The following PTPRD variants were observed in gnomAD, a reference collection of about 807,000 sequenced individuals.
PTPRD encodes receptor-type tyrosine-protein phosphatase delta.
In PTPRD, 34 loss-of-function variants were observed where a neutral mutation model predicts 214.5. That is an observed-to-expected ratio of 0.16 (90% CI 0.12 to 0.21). The LOEUF (loss-of-function observed/expected upper bound fraction) is 0.21. Among genes scored for constraint, PTPRD ranks in the 10% least tolerant of loss-of-function variants. The pLI, the probability that PTPRD is intolerant of heterozygous loss-of-function variation, is 1.00. For missense variants in PTPRD, 2,545 were observed against 2,398.7 expected, an observed-to-expected ratio of 1.06 and a Z score of -1.27; for synonymous variants, 1,128 against 845.7, an observed-to-expected ratio of 1.33 and a Z score of -5.79.
chr9:8,693,344 C>T (rs2097847831), intron 12 of PTPRD, among the ~76,000 whole-genome samples: 1 of 152,192 alleles, frequency 6.6e-6, no homozygotes, highest in Non-Finnish European at 1.5e-5. Flanking sequence ...CCTCTCATGA[C>T]AAACATATCC....
intron 9 of PTPRD, among the ~76,000 whole-genome samples, chr9:9,231,273 G>T (rs551018480): frequency 6.6e-6 from 1 of 152,186 alleles, no homozygotes; most frequent in South Asian, 2.1e-4. Flanking sequence ...TTTAATGACT[G>T]GGAATTAAAT....
At chr9:8,853,177 C>A (rs1411685960) in intron 11 of PTPRD, among the ~76,000 whole-genome samples, 2 of 152,154 alleles carry the variant, frequency 1.3e-5, no homozygotes, top group Non-Finnish European at 2.9e-5. Context: ...TTCATTAATT[C>A]TCCAGTCTAG....
intron 25 of PTPRD, 133 bp downstream of exon 25, chr9:8,499,514 A>T: frequency 2.5e-6 from 2 of 809,982 alleles, no homozygotes; most frequent in Non-Finnish European, 3.8e-6. Context: ...AATATACATC[A>T]ATGTGAAATG....
intron 11 of PTPRD, among the ~76,000 whole-genome samples, chr9:8,992,171 C>G (rs764200787): frequency 4.6e-5 from 7 of 151,986 alleles, no homozygotes; most frequent in Admixed American, 2.0e-4. Context: ...ACTATTTAAC[C>G]CTGAATGGCT....
intron 14 of PTPRD, among the ~76,000 whole-genome samples, chr9:8,564,487 G>C (rs554362323): frequency 4.6e-4 from 70 of 152,234 alleles, no homozygotes; most frequent in Non-Finnish European, 8.8e-4. Context: ...ATCACTTGAG[G>C]AGTTTGAGTT....
At chr9:10,497,764 C>A (rs1016131) in intron 2 of PTPRD, among the ~76,000 whole-genome samples, 1 of 151,650 alleles carries the variant, frequency 6.6e-6, no homozygotes, top group Admixed American at 6.6e-5. Context: ...TATATATTTA[C>A]GAATGAAAGA....
At chr9:9,699,249 G>C (rs1189469099) in intron 7 of PTPRD, among the ~76,000 whole-genome samples, 1 of 148,382 alleles carries the variant, frequency 6.7e-6, no homozygotes, top group Non-Finnish European at 1.5e-5. Context: ...CTTATACTGA[G>C]TTATGTGAGA....
At chr9:9,933,036 T>C (rs1443047825) in intron 5 of PTPRD, among the ~76,000 whole-genome samples, 1 of 151,930 alleles carries the variant, frequency 6.6e-6, no homozygotes, top group African/African-American at 2.4e-5. Context: ...TTGAGAGATT[T>C]TGTCACCACC....
chr9:9,132,135 G>T (rs1055924458), intron 10 of PTPRD, among the ~76,000 whole-genome samples: 4 of 152,126 alleles, frequency 2.6e-5, no homozygotes, highest in Admixed American at 6.5e-5. Context: ...AGCCTCCCGA[G>T]TAGCTGGGGC....
intron 35 of PTPRD, among the ~76,000 whole-genome samples, chr9:8,428,666 A>C (rs766579150): frequency 7.9e-5 from 12 of 152,030 alleles, no homozygotes; most frequent in Non-Finnish European, 1.3e-4. Context: ...AAGTTGGCCA[A>C]AAAAAATTGT....
In PTPRD at chr9:8,903,360, T is replaced by C. The variant is rs142967268; in HGVS notation, c.-104+115337A>G. On this transcript the variant is annotated intron_variant, in intron 11 of 45. Transcript: ENST00000381196. ...GGAACATATTCAAAGAAAAGGTCCA[T>C]GATTGGTAGAAAAAGTGTGAAGCCA... is the stretch of plus-strand genomic sequence containing the variant. Among the ~76,000 whole-genome samples, 927 of 152,294 alleles carry C rather than the reference T, an allele frequency of 6.1e-3. 13 individuals carry two copies. Among genetic ancestry groups the C allele is most frequent in the African/African-American group, 0.02 (851 of 41,568 alleles).
chr9:9,533,792 C>T (rs1172527316), intron 8 of PTPRD, among the ~76,000 whole-genome samples: 1 of 151,924 alleles, frequency 6.6e-6, no homozygotes, highest in African/African-American at 2.4e-5. Context: ...TGTATACGTG[C>T]ATGTTTTTCT....
chr9:9,860,570 C>T (rs2062509860), intron 5 of PTPRD, among the ~76,000 whole-genome samples: 1 of 152,134 alleles, frequency 6.6e-6, no homozygotes, highest in African/African-American at 2.4e-5. Context: ...CATTTGATTG[C>T]CTTATGCCTA....
chr9:8,562,153 TTTGA>T (rs1163962877), intron 14 of PTPRD, among the ~76,000 whole-genome samples: 2 of 152,110 alleles, frequency 1.3e-5, no homozygotes, highest in Non-Finnish European at 2.9e-5. Context: ...ATTTTCCCAT[TTTGA>T]TTAACAGAAT....
intron 9 of PTPRD, among the ~76,000 whole-genome samples, chr9:9,298,720 G>A: frequency 6.6e-6 from 1 of 151,644 alleles, no homozygotes. Flanking sequence ...GCAATGGGCT[G>A]TTTATATTTA....
intron 9 of PTPRD, among the ~76,000 whole-genome samples, chr9:9,380,826 A>G (rs949200886): frequency 2.0e-5 from 3 of 152,064 alleles, no homozygotes; most frequent in Non-Finnish European, 4.4e-5. Context: ...TTATAATTCT[A>G]TCAGTTTCTG....
At position 10,100,008 on chromosome 9, in the gene PTPRD, C is replaced by T. The variant is rs116891094; in HGVS notation, c.-544-66218G>A. On this transcript the variant is annotated intron_variant, in intron 3 of 45. Coordinates refer to ENST00000381196, the MANE Select transcript of PTPRD (RefSeq NM_002839.4). ...ATGTGTGATTTTATAAATTCACCTT[C>T]TCCCAAATGTATATGTGTTTTCGGT... Among the ~76,000 whole-genome samples the T allele has an allele frequency of 5.6e-3, 851 of 151,782 alleles. 10 individuals are homozygous for T. Among genetic ancestry groups the T allele is most frequent in the Non-Finnish European group, 6.0e-3 (405 of 67,766 alleles).
chr9:9,320,757 T>A (rs1047413690), intron 9 of PTPRD, among the ~76,000 whole-genome samples: 4 of 152,192 alleles, frequency 2.6e-5, no homozygotes, highest in Admixed American at 2.6e-4. Flanking sequence ...GGATAACACA[T>A]TATTTGGCTT....
intron 11 of PTPRD, among the ~76,000 whole-genome samples, chr9:8,833,748 G>A (rs995583278): frequency 2.4e-4 from 29 of 119,452 alleles, no homozygotes; most frequent in African/African-American, 7.2e-4. Context: ...ACACACACAC[G>A]ATTCTATATA....
Sources: allele counts gnomAD v4.1 joint callset (sites outside exome capture counted in the v4.1 genomes callset), GRCh38; gene constraint gnomAD v4.1.1; transcripts MANE v1.5; gene names NCBI Gene and HGNC (gene_info 2026-07-23, HGNC 2026-07-21).